Variants in COL4A6 observed in about 807,000 individuals in gnomAD.
COL4A6 encodes collagen alpha-6(IV) chain.
A neutral mutation model predicts 126.7 loss-of-function variants in COL4A6; 59 were observed. The observed-to-expected ratio is 0.47, with a 90% CI of 0.38 to 0.58. COL4A6 has a LOEUF of 0.58. Ranked by LOEUF, COL4A6 falls within the 20% of genes least tolerant of loss-of-function variation. The pLI is 0.00. For synonymous variants in COL4A6, 547 were observed against 496.6 expected, an observed-to-expected ratio of 1.10 and a Z score of -1.35; for missense variants, 1,285 against 1,337.3, an observed-to-expected ratio of 0.96 and a Z score of 0.61.
chrX:108,282,218 A>C (rs2037858042), intron 3 of COL4A6, among the ~76,000 whole-genome samples: 2 of 96,064 alleles, frequency 2.1e-5, no homozygotes, highest in African/African-American at 7.4e-5. Flanking sequence ...CAACCTACAA[A>C]ATGGGAGAAA....
At chrX:108,183,600 C>T (rs2034753896) in intron 23 of COL4A6, 2 of 413,466 alleles carry the variant, frequency 4.8e-6, no homozygotes, top group African/African-American at 5.2e-5. Context: ...CTCCCCACTC[C>T]CCAAACAGGG....
chrX:108,417,853 A>T (rs1467224606), intron 2 of COL4A6, among the ~76,000 whole-genome samples: 1 of 111,807 alleles, frequency 8.9e-6, no homozygotes. Context: ...AACTCTAAGG[A>T]ACTCTAGAAT....
At chrX:108,259,042 C>T (rs150027306) in intron 3 of COL4A6, among the ~76,000 whole-genome samples, 1 of 111,067 alleles carries the variant, frequency 9.0e-6, no homozygotes, top group African/African-American at 3.3e-5. Flanking sequence ...AAGGCATAGA[C>T]CGTAAGTAAG....
chrX:108,241,487 T>C (rs186588494), intron 3 of COL4A6, among the ~76,000 whole-genome samples: 2 of 106,404 alleles, frequency 1.9e-5, no homozygotes, highest in African/African-American at 6.7e-5. Flanking sequence ...TCATATATTA[T>C]ATATAATCTT....
At chrX:108,399,714 A>G in intron 2 of COL4A6, among the ~76,000 whole-genome samples, 1 of 111,827 alleles carries the variant, frequency 8.9e-6, no homozygotes, top group Middle Eastern at 4.6e-3. Context: ...AGTATATTTC[A>G]TTATTAACCA....
At chrX:108,269,214 C>G (rs1328839181) in intron 3 of COL4A6, 1 of 325,644 alleles carries the variant, frequency 3.1e-6, no homozygotes, top group Non-Finnish European at 5.9e-6. Flanking sequence ...AAGGAAGGGA[C>G]TTTCGGAGCC....
intron 29 of COL4A6, 92 bp downstream of exon 29, chrX:108,175,562 G>T (rs2034454592): frequency 1.0e-6 from 1 of 983,503 alleles, no homozygotes; most frequent in South Asian, 2.5e-5. Flanking sequence ...ACATAGATTT[G>T]GTACAAACCA....
At chrX:108,416,877 T>A (rs1352756854) in intron 2 of COL4A6, among the ~76,000 whole-genome samples, 1 of 112,040 alleles carries the variant, frequency 8.9e-6, no homozygotes, top group Non-Finnish European at 1.9e-5. Flanking sequence ...AAGATGACTG[T>A]ACTTTTCACA....
intron 43 of COL4A6, 101 bp downstream of exon 43, chrX:108,160,362 A>T: frequency 1.2e-6 from 1 of 849,420 alleles, no homozygotes; most frequent in Non-Finnish European, 1.7e-6. Flanking sequence ...GTAACTCACT[A>T]CACAACAGTG....
intron 3 of COL4A6, among the ~76,000 whole-genome samples, chrX:108,238,661 A>C (rs191871893): frequency 9.2e-6 from 1 of 108,785 alleles, no homozygotes; most frequent in African/African-American, 3.3e-5. Context: ...TTCTGTGAAA[A>C]ACATCCCCGT....
chrX:108,276,633 A>G (rs2037611771), intron 3 of COL4A6, among the ~76,000 whole-genome samples: 1 of 111,840 alleles, frequency 8.9e-6, no homozygotes, highest in South Asian at 3.8e-4. Flanking sequence ...TACATCCCTT[A>G]CTGATCTCTC....
At chrX:108,159,806 G>T in intron 43 of COL4A6, 58 bp from the exon 44 acceptor site, 1 of 1,175,177 alleles carries the variant, frequency 8.5e-7, no homozygotes, top group Non-Finnish European at 1.2e-6. Flanking sequence ...GCTTTGACGA[G>T]ATGGTGGTTT....
At chrX:108,280,779 C>T (rs1334824167) in intron 3 of COL4A6, among the ~76,000 whole-genome samples, 3 of 111,290 alleles carry the variant, frequency 2.7e-5, no homozygotes, top group African/African-American at 6.5e-5. Flanking sequence ...AGCAGCACAT[C>T]GAAAAGCTTA....
At chrX:108,402,219 TTAAC>T (rs1304271610) in intron 2 of COL4A6, among the ~76,000 whole-genome samples, 9 of 111,603 alleles carry the variant, frequency 8.1e-5, no homozygotes, top group Non-Finnish European at 1.9e-5. Context: ...TAGTATAACT[TTAAC>T]TACAGAATGC....
At chrX:108,344,418 T>C (rs138766976) in intron 2 of COL4A6, among the ~76,000 whole-genome samples, 143 of 111,535 alleles carry the variant, frequency 1.3e-3, no homozygotes, top group African/African-American at 4.4e-3. Context: ...TTCTGCTTTC[T>C]TCATCCAACT....
chrX:108,184,442 G>A (rs1359655629), intron 23 of COL4A6, among the ~76,000 whole-genome samples: 1 of 111,665 alleles, frequency 9.0e-6, no homozygotes, highest in Non-Finnish European at 1.9e-5. Context: ...AGGTTGTTAG[G>A]ATGGATTAAT....
chrX:108,218,177 G>A (rs1322722305), intron 5 of COL4A6, among the ~76,000 whole-genome samples: 1 of 112,201 alleles, frequency 8.9e-6, no homozygotes, highest in Non-Finnish European at 1.9e-5. Context: ...CAGGAGGAAG[G>A]GCATACTAAG....
At chrX:108,438,977 C>T (rs1280628700), upstream of COL4A6, among the ~76,000 whole-genome samples, 1 of 112,395 alleles carries the variant, frequency 8.9e-6, no homozygotes, top group Non-Finnish European at 1.9e-5. Flanking sequence ...TCTTTTGTTA[C>T]TTTAAAAAAA....
chrX:108,326,654 A>AT (rs2147959009), intron 2 of COL4A6, among the ~76,000 whole-genome samples: 1 of 112,632 alleles, frequency 8.9e-6, no homozygotes, highest in East Asian at 2.8e-4. Context: ...TAGTCAACTG[A>AT]TTTTTGACAA....
Sources: allele counts gnomAD v4.1 joint callset (sites outside exome capture counted in the v4.1 genomes callset), GRCh38; gene constraint gnomAD v4.1.1; transcripts MANE v1.5; gene names NCBI Gene and HGNC (gene_info 2026-07-23, HGNC 2026-07-21).